DLG1: variants seen among roughly 807,000 people sequenced by gnomAD.
The protein encoded by DLG1 is discs large MAGUK scaffold protein 1, also known as disks large homolog 1.
DLG1 carries 42 observed loss-of-function variants against 123.4 expected under a neutral mutation model. The observed-to-expected ratio is 0.34, with a 90% CI of 0.27 to 0.44. The LOEUF (loss-of-function observed/expected upper bound fraction) is 0.44. Among genes scored for constraint, DLG1 ranks in the 20% least tolerant of loss-of-function variants. The probability of loss-of-function intolerance (pLI) is 1.00; values close to 1 mark genes in which losing one functional copy is unlikely to be tolerated. For synonymous variants in DLG1, 317 were observed against 356.2 expected (o/e 0.89, Z 1.24); for missense variants, 942 against 1,082.6 (o/e 0.87, Z 1.82).
chr3:197,044,009 A>G lies in DLG1; in HGVS notation c.*614T>C, dbSNP rs1024897408. The G allele has an allele frequency of 2.0e-5, 3 of 152,178 alleles. No individual in the cohort carries two copies. The highest frequency in any genetic ancestry group is 4.4e-5 in the Non-Finnish European group (3 of 68,016). The allele number at this position is 152,178 out of a possible 1,614,324, so 9.4% of individuals were successfully genotyped here. ...TGTTATTCCTAGCAAATGTCCTGGGAAAAAAGAACCGTCAAATACTAAAAG... is the reference window on the plus strand; with the variant it reads ...TGTTATTCCTAGCAAATGTCCTGGGGAAAAAGAACCGTCAAATACTAAAAG... On this transcript the variant is annotated 3_prime_UTR_variant, in exon 25 of 25. Transcript: ENST00000667157.
intron 13 of DLG1, among the ~76,000 whole-genome samples, chr3:197,111,360 A>C (rs1351845139): frequency 6.6e-6 from 1 of 152,210 alleles, no homozygotes; most frequent in Non-Finnish European, 1.5e-5. Context: ...GTGGTTCCAA[A>C]GGGACAATTT....
intron 4 of DLG1, among the ~76,000 whole-genome samples, chr3:197,199,439 G>C (rs1724434987): frequency 6.6e-6 from 1 of 152,048 alleles, no homozygotes. Context: ...TGTATATAAA[G>C]TCCTTCAGGC....
At position 197,248,066 on chromosome 3, in the gene DLG1, TACTC is replaced by T. The variant is rs956008201; in HGVS notation, c.318+34609_318+34612del. The stretch of plus-strand genomic sequence containing the variant: ...TGACCACGGAACCGCAGATTGGACT[TACTC>T]ACTCTACACTTAATGTGCCTGAATC... On this transcript the variant is annotated intron_variant, in intron 4 of 24. Coordinates refer to ENST00000667157, the MANE Select transcript of DLG1 (RefSeq NM_001366207.1). 3.7e-4 allele frequency among the ~76,000 whole-genome samples: 56 copies of T among 152,216 alleles called. 1 individual carries two copies. Among genetic ancestry groups the T allele is most frequent in the African/African-American group, 1.0e-3 (43 of 41,520 alleles).
intron 11 of DLG1, among the ~76,000 whole-genome samples, chr3:197,126,672 A>G (rs1252514858): frequency 2.0e-5 from 3 of 152,320 alleles, no homozygotes; most frequent in Admixed American, 1.3e-4. Flanking sequence ...AGAATTTCAA[A>G]TAAGTAGCAA....
At chr3:197,281,615 A>C (rs1769417470) in intron 4 of DLG1, among the ~76,000 whole-genome samples, 1 of 152,278 alleles carries the variant, frequency 6.6e-6, no homozygotes, top group East Asian at 1.9e-4. Context: ...AAAAGTGTAA[A>C]GAAAATAAGG....
chr3:197,104,969 G>A lies in DLG1; in HGVS notation c.1480C>T (p.Gln494Ter), dbSNP rs1173000501. ...SVDLRAASHE[Q>*]AAAALKNAGQ... is the part of the protein sequence containing the mutation. ...GCATTTTTCAATGCAGCTGCTGCCT[G>A]CTCATGACTAGCAGCTCTGAGGTCA... The change falls in exon 14 of 25, where the codon CAG (glutamine) becomes TAG (stop). Residue 494 changes from glutamine (Q) to a stop codon, truncating the protein, a stop_gained. Transcript: ENST00000667157. LOFTEE classifies it high-confidence loss of function. 1 of 1,613,134 alleles carries A rather than the reference G, an allele frequency of 6.2e-7. No homozygotes were observed. The highest frequency in any genetic ancestry group is 8.5e-7 in the Non-Finnish European group (1 of 1,179,542).
At chr3:197,265,588 T>C (rs1761341496) in intron 4 of DLG1, among the ~76,000 whole-genome samples, 1 of 152,146 alleles carries the variant, frequency 6.6e-6, no homozygotes, top group African/African-American at 2.4e-5. Flanking sequence ...CAGATTAGTT[T>C]TGATCAGTAC....
chr3:197,099,118 T>C (rs886597413), intron 14 of DLG1, among the ~76,000 whole-genome samples: 3 of 152,202 alleles, frequency 2.0e-5, no homozygotes, highest in African/African-American at 7.2e-5. Context: ...CAGGCTGGAG[T>C]GCAGTGGCAC....
chr3:197,085,516 A>G, intron 16 of DLG1, 64 bp downstream of exon 16: 1 of 1,568,104 alleles, frequency 6.4e-7, no homozygotes. Context: ...CAAATTAAAA[A>G]AAATTTAAAA....
intron 14 of DLG1, among the ~76,000 whole-genome samples, chr3:197,099,130 A>C (rs575525791): frequency 4.6e-5 from 7 of 152,334 alleles, no homozygotes; most frequent in African/African-American, 1.7e-4. Flanking sequence ...CAGTGGCACG[A>C]TCATGGCTCA....
chr3:197,258,228 TAAAACATATTAATCAGAAAAGG>T (rs1366832948), intron 4 of DLG1, among the ~76,000 whole-genome samples: 27 of 152,194 alleles, frequency 1.8e-4, no homozygotes, highest in Non-Finnish European at 2.9e-4. Flanking sequence ...CACTTGGATT[TAAAACATATTAATCAGAAAAGG>T]AATACAGAGC....
chr3:197,131,584 C>CTTTTTTTTTTTTTTTTTT (rs773487577), intron 10 of DLG1, among the ~76,000 whole-genome samples: 1 of 65,736 alleles, frequency 1.5e-5, no homozygotes, highest in African/African-American at 5.2e-5. Context: ...TTCTTCCTTT[C>CTTTTTTTTTTTTTTTTTT]TTTTTTTTTT....
Position 197,139,118 on chromosome 3 carries a change from A to G in DLG1, c.714-727T>C, listed in dbSNP as rs369160897. 5.3e-5 allele frequency among the ~76,000 whole-genome samples: 8 copies of G among 152,294 alleles called. No individual in the cohort carries two copies. The East Asian group carries it at 7.7e-4, about 15-fold the overall frequency. The stretch of plus-strand genomic sequence containing the variant: ...AATTTGCCATGGTGTTATGTTTTTT[A>G]AAAGTCTGATTTGTTCCTAGTCTTA... On this transcript the variant is annotated intron_variant, in intron 8 of 24. Coordinates refer to ENST00000667157, the MANE Select transcript of DLG1 (RefSeq NM_001366207.1).
chr3:197,055,119 T>C (rs1195905042), intron 23 of DLG1, among the ~76,000 whole-genome samples: 2 of 151,910 alleles, frequency 1.3e-5, no homozygotes, highest in Admixed American at 6.6e-5. Flanking sequence ...CTGGCCAATT[T>C]TTGCTTACCT....
At chr3:197,152,762 C>CAAAAAAAA (rs63446260) in intron 5 of DLG1, among the ~76,000 whole-genome samples, 3 of 52,532 alleles carry the variant, frequency 5.7e-5, no homozygotes, top group Admixed American at 2.3e-4. Flanking sequence ...GACTCTGTCT[C>CAAAAAAAA]AAAAAAAAAA....
intron 20 of DLG1, 129 bp downstream of exon 20, chr3:197,066,575 A>G: frequency 1.9e-6 from 1 of 523,918 alleles, no homozygotes; most frequent in South Asian, 3.5e-5. Flanking sequence ...CATGTAGTAA[A>G]TTTCTACATG....
intron 4 of DLG1, among the ~76,000 whole-genome samples, chr3:197,229,896 G>A (rs1291965338): frequency 6.6e-6 from 1 of 152,116 alleles, no homozygotes; most frequent in Non-Finnish European, 1.5e-5. Context: ...GTATTATAAC[G>A]TCCATTTGAT....
chr3:197,127,479 T>A (rs1780232099), intron 11 of DLG1, among the ~76,000 whole-genome samples: 3 of 93,418 alleles, frequency 3.2e-5, no homozygotes, highest in African/African-American at 4.5e-5. Flanking sequence ...TATATATATA[T>A]ATATATATAT....
intron 12 of DLG1, among the ~76,000 whole-genome samples, chr3:197,118,769 T>C (rs1030644721): frequency 1.8e-4 from 28 of 152,322 alleles, no homozygotes; most frequent in Admixed American, 1.8e-3. Context: ...AATCTATACA[T>C]TTCAGTGCAG....
Sources: gnomAD v4.1 joint callset for allele counts (sites outside exome capture counted in the v4.1 genomes callset) on GRCh38, gnomAD v4.1.1 for gene constraint, MANE v1.5 for transcripts, NCBI Gene and HGNC (gene_info 2026-07-23, HGNC 2026-07-21) for gene names.